Variants in CACNA2D3 observed in about 807,000 individuals in gnomAD.
The protein encoded by CACNA2D3 is calcium voltage-gated channel auxiliary subunit alpha2delta 3.
A neutral mutation model predicts 160.6 loss-of-function variants in CACNA2D3; 60 were observed. The observed-to-expected ratio is 0.37, with a 90% CI of 0.30 to 0.46. The LOEUF (loss-of-function observed/expected upper bound fraction) is 0.46. Among genes scored for constraint, CACNA2D3 ranks in the 20% least tolerant of loss-of-function variants. CACNA2D3 has a pLI of 1.00. For synonymous variants in CACNA2D3, 558 were observed against 492.9 expected, an observed-to-expected ratio of 1.13 and a Z score of -1.75; for missense variants, 1,205 against 1,365.0, an observed-to-expected ratio of 0.88 and a Z score of 1.85.
intron 11 of CACNA2D3, among the ~76,000 whole-genome samples, chr3:54,651,381 AT>A (rs1300227263): frequency 6.7e-6 from 1 of 148,166 alleles, no homozygotes; most frequent in Non-Finnish European, 1.5e-5. Context: ...GATGAGTGCG[AT>A]TTCCGTGCTG....
At chr3:54,812,761 C>A (rs991519508) in intron 13 of CACNA2D3, among the ~76,000 whole-genome samples, 3 of 152,148 alleles carry the variant, frequency 2.0e-5, no homozygotes, top group Non-Finnish European at 2.9e-5. Flanking sequence ...CCACACAGAG[C>A]CTTGTCCTTG....
At chr3:54,569,356 TC>T (rs1702457720) in intron 6 of CACNA2D3, among the ~76,000 whole-genome samples, 1 of 152,294 alleles carries the variant, frequency 6.6e-6, no homozygotes, top group Non-Finnish European at 1.5e-5. Flanking sequence ...AAACATTGTA[TC>T]TATGCTTTCA....
intron 23 of CACNA2D3, among the ~76,000 whole-genome samples, chr3:54,886,000 G>A (rs921023814): frequency 1.3e-5 from 2 of 152,142 alleles, no homozygotes; most frequent in African/African-American, 2.4e-5. Flanking sequence ...GGTCACGACG[G>A]GGACACGTAG....
intron 2 of CACNA2D3, among the ~76,000 whole-genome samples, chr3:54,247,806 T>C (rs1276118577): frequency 6.6e-6 from 1 of 152,278 alleles, no homozygotes; most frequent in South Asian, 2.1e-4. Context: ...CATCTGAGAA[T>C]AGTGACCCAC....
chr3:54,564,067 A>G (rs1255921716), intron 6 of CACNA2D3, among the ~76,000 whole-genome samples: 2 of 152,206 alleles, frequency 1.3e-5, no homozygotes, highest in African/African-American at 4.8e-5. Flanking sequence ...GCCTTGATAC[A>G]CTCAACAGAG....
intron 9 of CACNA2D3, among the ~76,000 whole-genome samples, chr3:54,613,971 C>T (rs1054590657): frequency 6.6e-6 from 1 of 152,200 alleles, no homozygotes; most frequent in African/African-American, 2.4e-5. Context: ...CTTGCTACTC[C>T]TGCATGTAGC....
chr3:54,598,300 C>T (rs1379433397), intron 9 of CACNA2D3, among the ~76,000 whole-genome samples: 4 of 62,034 alleles, frequency 6.4e-5, no homozygotes, highest in African/African-American at 6.0e-5. Context: ...AGCGAGACTC[C>T]GTCTCACAAA....
At chr3:54,796,907 C>G (rs1702877068) in intron 13 of CACNA2D3, among the ~76,000 whole-genome samples, 1 of 152,320 alleles carries the variant, frequency 6.6e-6, no homozygotes, top group Middle Eastern at 3.4e-3. Context: ...GTGAAGGCAT[C>G]ATTTCATCAG....
At chr3:54,464,617 G>T (rs912298888) in intron 4 of CACNA2D3, among the ~76,000 whole-genome samples, 18 of 152,226 alleles carry the variant, frequency 1.2e-4, no homozygotes, top group Non-Finnish European at 2.4e-4. Flanking sequence ...CGTTTTTTAA[G>T]CCCGTCGGAA....
intron 35 of CACNA2D3, among the ~76,000 whole-genome samples, chr3:55,072,853 G>C (rs1323831669): frequency 1.3e-5 from 2 of 152,206 alleles, no homozygotes; most frequent in Non-Finnish European, 2.9e-5. Context: ...TACAGCCTTG[G>C]CTCTTTCTTA....
At chr3:55,049,032 G>C in intron 35 of CACNA2D3, among the ~76,000 whole-genome samples, 1 of 150,000 alleles carries the variant, frequency 6.7e-6, no homozygotes. Context: ...TATCAATTTT[G>C]TTGATCCTTT....
chr3:54,886,164 C>CCAGTAGCT (rs1699920617), intron 23 of CACNA2D3, among the ~76,000 whole-genome samples: 1 of 151,816 alleles, frequency 6.6e-6, no homozygotes, highest in African/African-American at 2.4e-5. Context: ...CCTATACTCT[C>CCAGTAGCT]ACAGTTTGGG....
chr3:54,961,261 A>T (rs1702023860), intron 27 of CACNA2D3, among the ~76,000 whole-genome samples: 1 of 152,188 alleles, frequency 6.6e-6, no homozygotes, highest in Non-Finnish European at 1.5e-5. Flanking sequence ...AGAGATATTA[A>T]CCAAGCCATG....
Position 54,451,229 on chromosome 3 carries a change from C to CTTTTTTTTTTTTTTTT in CACNA2D3, c.382-52246_382-52231dup, listed in dbSNP as rs71074970. Among the ~76,000 whole-genome samples, 8 of 51,732 alleles carry CTTTTTTTTTTTTTTTT rather than the reference C, an allele frequency of 1.5e-4. 1 individual carries two copies. The highest frequency in any genetic ancestry group is 3.4e-4 in the Admixed American group (1 of 2,924). 33.9% of individuals were successfully genotyped at this position (51,732 alleles called of 152,430 possible). On this transcript the variant is annotated intron_variant, in intron 4 of 37. Coordinates refer to ENST00000474759, the MANE Select transcript of CACNA2D3 (RefSeq NM_018398.3). ...TGTCCCTTTCTGCTGATATAATAAT[C>CTTTTTTTTTTTTTTTT]TTTTTTTTTTTTTTTTTTTTTTTTT...
chr3:54,691,405 C>A (rs1700567651), intron 11 of CACNA2D3, among the ~76,000 whole-genome samples: 1 of 152,124 alleles, frequency 6.6e-6, no homozygotes, highest in African/African-American at 2.4e-5. Context: ...TATGTGTAAT[C>A]AACAAAGGAA....
intron 13 of CACNA2D3, among the ~76,000 whole-genome samples, chr3:54,800,179 A>G (rs1470384812): frequency 6.6e-6 from 1 of 152,182 alleles, no homozygotes; most frequent in African/African-American, 2.4e-5. Context: ...AATGCTGCAG[A>G]AAAGAGCTTC....
chr3:55,066,241 G>A (rs1468301810), intron 35 of CACNA2D3, among the ~76,000 whole-genome samples: 1 of 152,178 alleles, frequency 6.6e-6, no homozygotes, highest in Non-Finnish European at 1.5e-5. Context: ...CAGGGCCAGT[G>A]CCAAATTCAG....
intron 12 of CACNA2D3, among the ~76,000 whole-genome samples, chr3:54,758,207 C>T (rs2107081403): frequency 6.6e-6 from 1 of 152,156 alleles, no homozygotes; most frequent in East Asian, 1.9e-4. Context: ...TGGGTGTAGC[C>T]ACAGAGCTAT....
At chr3:54,776,586 A>G (rs1356005855) in intron 13 of CACNA2D3, among the ~76,000 whole-genome samples, 1 of 152,198 alleles carries the variant, frequency 6.6e-6, no homozygotes, top group Non-Finnish European at 1.5e-5. Context: ...ACAACAAAAG[A>G]GGCCTGGATA....
Sources: allele counts gnomAD v4.1 joint callset (sites outside exome capture counted in the v4.1 genomes callset), GRCh38; gene constraint gnomAD v4.1.1; transcripts MANE v1.5; gene names NCBI Gene and HGNC (gene_info 2026-07-23, HGNC 2026-07-21).